ATXN7L1: variants seen among roughly 807,000 people sequenced by gnomAD.
The protein encoded by ATXN7L1 is ataxin-7-like protein 1.
In ATXN7L1, 15 loss-of-function variants were observed where a neutral mutation model predicts 70.8. That is an observed-to-expected ratio of 0.21 (90% CI 0.14 to 0.33). The LOEUF (loss-of-function observed/expected upper bound fraction) is 0.33. Ranked by LOEUF, ATXN7L1 falls within the 10% of genes least tolerant of loss-of-function variation. The pLI is 1.00. For synonymous variants in ATXN7L1, 440 were observed against 445.1 expected, an observed-to-expected ratio of 0.99 and a Z score of 0.14; for missense variants, 975 against 1,097.1, an observed-to-expected ratio of 0.89 and a Z score of 1.57.
In ATXN7L1 at chr7:105,614,577, T is replaced by A; in HGVS notation, c.1757A>T (p.His586Leu). Residue 586 changes from histidine to leucine, a missense_variant, in exon 10 of 12, where the codon CAT (histidine) becomes CTT (leucine). Around this residue, in one of 5 missense-constraint regions of ATXN7L1, gnomAD observed 635 missense variants for 699.4 expected, o/e 0.91. Coordinates refer to ENST00000419735, the MANE Select transcript of ATXN7L1 (RefSeq NM_020725.2). This position sits in a 1 kb window ranked among gnomAD's most constrained non-coding sequence, Gnocchi z 4.3. ...CATGATGCTGAGGGTTGCGGCCACA[T>A]GAGGGAAAGCTGTGGTGTGGGACAT... ...ALMSHTTAFP[H>L]VAATLSIMDS... 2 of 1,550,622 alleles carry A rather than the reference T, an allele frequency of 1.3e-6. No individual in the cohort carries two copies. The highest frequency in any genetic ancestry group is 8.7e-7 in the Non-Finnish European group (1 of 1,146,234).
chr7:105,818,504 G>A lies in ATXN7L1; in HGVS notation c.251-29796C>T, dbSNP rs568355557. Reference sequence around the variant, plus strand: ...AGAACCAGTAAAACAGGCTTAGAATGTTCAAAGTGAAAGAAAACGACTCTT... The same window carrying A: ...AGAACCAGTAAAACAGGCTTAGAATATTCAAAGTGAAAGAAAACGACTCTT... On this transcript the variant is annotated intron_variant, in intron 2 of 11. Coordinates refer to ENST00000419735, the MANE Select transcript of ATXN7L1 (RefSeq NM_020725.2). Among the ~76,000 whole-genome samples the A allele has an allele frequency of 4.0e-5, 6 of 150,330 alleles. No homozygotes were observed. In the South Asian group the frequency reaches 9.1e-4, roughly 23 times the overall value.
chr7:105,740,779 T>TC (rs1797912522), intron 3 of ATXN7L1, among the ~76,000 whole-genome samples: 1 of 110,162 alleles, frequency 9.1e-6, no homozygotes, highest in Non-Finnish European at 1.7e-5. Flanking sequence ...ATTTTTTTTT[T>TC]TTTTTAATGG....
At chr7:105,800,588 T>A (rs1337164020) in intron 2 of ATXN7L1, among the ~76,000 whole-genome samples, 1 of 152,208 alleles carries the variant, frequency 6.6e-6, no homozygotes, top group East Asian at 1.9e-4. Context: ...GCCAGAAACG[T>A]ACTCAAATGC....
intron 2 of ATXN7L1, among the ~76,000 whole-genome samples, chr7:105,813,848 T>C (rs1055653991): frequency 6.6e-6 from 1 of 152,152 alleles, no homozygotes; most frequent in African/African-American, 2.4e-5. Flanking sequence ...AGGATGTCAT[T>C]ATCTGAACCT....
intron 9 of ATXN7L1, chr7:105,618,197 T>TA: frequency 2.6e-6 from 1 of 382,586 alleles, no homozygotes; most frequent in Non-Finnish European, 5.2e-6. Context: ...GACACTTCCA[T>TA]AACACAGGGA....
chr7:105,761,185 C>A (rs887157751), intron 3 of ATXN7L1: 82 of 1,333,968 alleles, frequency 6.1e-5, no homozygotes, highest in Middle Eastern at 5.6e-4. Context: ...CCCACAGGTA[C>A]CCCCTGCTCT....
chr7:105,751,772 C>T (rs1799243936), intron 3 of ATXN7L1, among the ~76,000 whole-genome samples: 1 of 152,228 alleles, frequency 6.6e-6, no homozygotes, highest in South Asian at 2.1e-4. Flanking sequence ...GAAGACTACT[C>T]ATCTACCAAG....
chr7:105,747,478 C>A (rs1798714122), intron 3 of ATXN7L1, among the ~76,000 whole-genome samples: 1 of 152,208 alleles, frequency 6.6e-6, no homozygotes. Flanking sequence ...TTATGTATCT[C>A]TTTATCTGGC....
chr7:105,634,562 C>T (rs1193354484), intron 7 of ATXN7L1, among the ~76,000 whole-genome samples: 1 of 152,012 alleles, frequency 6.6e-6, no homozygotes, highest in Non-Finnish European at 1.5e-5. Flanking sequence ...CGCTATGTTG[C>T]CAAGGCTGCT....
At chr7:105,656,575 C>T (rs1194105224) in intron 4 of ATXN7L1, among the ~76,000 whole-genome samples, 1 of 112,716 alleles carries the variant, frequency 8.9e-6, no homozygotes. Flanking sequence ...TCTTCTTCTT[C>T]CTTTTTTTTT....
At chr7:105,806,914 C>A (rs1807702355) in intron 2 of ATXN7L1, among the ~76,000 whole-genome samples, 2 of 141,498 alleles carry the variant, frequency 1.4e-5, no homozygotes, top group Non-Finnish European at 3.1e-5. Context: ...GATGTACAAC[C>A]AAGAAAGGGT....
At chr7:105,781,302 G>C (rs552426985) in intron 3 of ATXN7L1, among the ~76,000 whole-genome samples, 1 of 152,076 alleles carries the variant, frequency 6.6e-6, no homozygotes, top group African/African-American at 2.4e-5. Flanking sequence ...CACCATAAAC[G>C]TTCACCCCAA....
intron 2 of ATXN7L1, among the ~76,000 whole-genome samples, chr7:105,807,193 C>T (rs915704400): frequency 6.6e-6 from 1 of 152,228 alleles, no homozygotes; most frequent in Non-Finnish European, 1.5e-5. Flanking sequence ...ATGCCACACA[C>T]CCTGCTCCAC....
chr7:105,638,667 C>T, intron 6 of ATXN7L1, 58 bp from the exon 7 acceptor site: 1 of 1,470,154 alleles, frequency 6.8e-7, no homozygotes, highest in East Asian at 2.5e-5. Flanking sequence ...AACCTGCTTC[C>T]CCAGGCCCTC....
At chr7:105,824,950 A>C (rs1359014388) in intron 2 of ATXN7L1, among the ~76,000 whole-genome samples, 4 of 151,928 alleles carry the variant, frequency 2.6e-5, no homozygotes, top group Admixed American at 6.6e-5. Context: ...AAATAAAAAA[A>C]ACAAAAAAAC....
rs188914389 is a variant in ATXN7L1 at position 105,660,120 on chromosome 7, C to T, written c.578+4946G>A. On this transcript the variant is annotated intron_variant, in intron 4 of 11. Transcript: ENST00000419735. ...CTCCTTAATATTTATCTCACCCAGC[C>T]CCTCCGTACACACCACTGCCTGGAT... Among the ~76,000 whole-genome samples, 77 of 152,140 alleles carry T rather than the reference C, an allele frequency of 5.1e-4. 3 individuals are homozygous for T. In the East Asian group the frequency reaches 8.5e-3, roughly 17 times the overall value.
intron 3 of ATXN7L1, among the ~76,000 whole-genome samples, chr7:105,676,313 C>A (rs530483293): frequency 6.6e-6 from 1 of 152,296 alleles, no homozygotes; most frequent in South Asian, 2.1e-4. Flanking sequence ...AAACACACAC[C>A]GCACAAGTCA....
intron 4 of ATXN7L1, among the ~76,000 whole-genome samples, chr7:105,660,254 A>G (rs554202577): frequency 1.3e-5 from 2 of 152,220 alleles, no homozygotes; most frequent in South Asian, 4.2e-4. Context: ...AGGTGACCAG[A>G]CTACATGAGA....
At chr7:105,657,465 C>T (rs367671937) in intron 4 of ATXN7L1, among the ~76,000 whole-genome samples, 1 of 151,884 alleles carries the variant, frequency 6.6e-6, no homozygotes, top group African/African-American at 2.4e-5. Context: ...GTAATCCCAG[C>T]ACTTCGGGAG....
Sources: gnomAD v4.1 joint callset for allele counts (sites outside exome capture counted in the v4.1 genomes callset) on GRCh38, gnomAD v4.1.1 for gene constraint, gnomAD v4.1.1 regional missense constraint, Gnocchi (gnomAD v3.1) non-coding constraint, MANE v1.5 for transcripts, NCBI Gene and HGNC (gene_info 2026-07-23, HGNC 2026-07-21) for gene names.